DTNBP1: variants seen among roughly 807,000 people sequenced by gnomAD.
DTNBP1 encodes dystrobrevin binding protein 1, also known as dysbindin.
In DTNBP1, 35 loss-of-function variants were observed where a neutral mutation model predicts 42.8. The ratio of observed to expected loss-of-function variants is 0.82; its 90% CI spans 0.63 to 1.09. DTNBP1 has a LOEUF of 1.09. DTNBP1 is among the 50% of genes least tolerant of loss of function. The pLI, the probability that DTNBP1 is intolerant of heterozygous loss-of-function variation, is 0.00. For missense variants in DTNBP1, 457 were observed against 424.2 expected (o/e 1.08, Z -0.68); for synonymous variants, 171 against 162.2 (o/e 1.05, Z -0.41).
intron 7 of DTNBP1, among the ~76,000 whole-genome samples, chr6:15,559,491 T>A (rs1399171131): frequency 6.6e-6 from 1 of 152,196 alleles, no homozygotes; most frequent in Non-Finnish European, 1.5e-5. Flanking sequence ...TGACAACCAG[T>A]TCATTGGCTA....
rs1378381432 is a variant in DTNBP1 at position 15,524,100 on chromosome 6, C to T, written c.811+426G>A. On this transcript the variant is annotated intron_variant, in intron 9 of 9. Coordinates refer to ENST00000344537, the MANE Select transcript of DTNBP1 (RefSeq NM_032122.5). ...TACAACACAGGCCAAGAGCTGAACACACACCATGGCTTTGCCCATGGCAGG... is the reference window on the plus strand; with the variant it reads ...TACAACACAGGCCAAGAGCTGAACATACACCATGGCTTTGCCCATGGCAGG... 7 of 1,336,490 alleles carry T rather than the reference C, an allele frequency of 5.2e-6. No individual in the cohort carries two copies. In the East Asian group the frequency reaches 3.2e-4, roughly 61 times the overall value. The allele number at this position is 1,336,490 out of a possible 1,614,324, so 82.8% of individuals were successfully genotyped here. A position where few individuals can be genotyped will look rare whatever the true frequency, so the allele number is the denominator to read the frequency against.
chr6:15,601,331 T>C (rs1384942468), intron 6 of DTNBP1, among the ~76,000 whole-genome samples: 1 of 152,238 alleles, frequency 6.6e-6, no homozygotes, highest in Non-Finnish European at 1.5e-5. Flanking sequence ...CCATTCATTT[T>C]AATTAAGAAA....
intron 1 of DTNBP1, among the ~76,000 whole-genome samples, chr6:15,662,217 C>T (rs1216984187): frequency 2.0e-5 from 3 of 152,378 alleles, no homozygotes; most frequent in South Asian, 2.1e-4. Context: ...GTTCCTTCGC[C>T]GAGGCGCTGA....
chr6:15,620,248 A>G (rs1346486063), intron 5 of DTNBP1, among the ~76,000 whole-genome samples: 2 of 152,248 alleles, frequency 1.3e-5, no homozygotes, highest in Non-Finnish European at 2.9e-5. Context: ...AACAATTTGT[A>G]AAATCTAAAT....
At chr6:15,542,377 T>G (rs1773618255) in intron 7 of DTNBP1, among the ~76,000 whole-genome samples, 1 of 152,128 alleles carries the variant, frequency 6.6e-6, no homozygotes. Context: ...TTGTTTTTTG[T>G]TTTTTGTTTT....
At chr6:15,549,257 C>CA (rs1359661193) in intron 7 of DTNBP1, among the ~76,000 whole-genome samples, 2 of 152,098 alleles carry the variant, frequency 1.3e-5, no homozygotes, top group Non-Finnish European at 2.9e-5. Context: ...GAGGCCGAGG[C>CA]AGGCAGATCA....
At chr6:15,531,780 C>T (rs1772846153) in intron 8 of DTNBP1, among the ~76,000 whole-genome samples, 1 of 152,154 alleles carries the variant, frequency 6.6e-6, no homozygotes, top group African/African-American at 2.4e-5. Context: ...ACTACAGGCA[C>T]ATGTCACCAC....
chr6:15,600,352 T>C (rs1776681110), intron 6 of DTNBP1, among the ~76,000 whole-genome samples: 2 of 152,314 alleles, frequency 1.3e-5, no homozygotes, highest in Admixed American at 1.3e-4. Flanking sequence ...TTCTTATTGG[T>C]AGAGAAGAGA....
chr6:15,661,763 A>C (rs1028633404), intron 1 of DTNBP1, among the ~76,000 whole-genome samples: 2 of 152,264 alleles, frequency 1.3e-5, no homozygotes, highest in Non-Finnish European at 1.5e-5. Flanking sequence ...TTTCAAAGAC[A>C]GATCTTTTTC....
At chr6:15,593,544 G>A (rs56193326) in intron 6 of DTNBP1, among the ~76,000 whole-genome samples, 14,474 of 152,186 alleles carry the variant, frequency 0.095, 756 homozygotes, top group Non-Finnish European at 0.11. Flanking sequence ...CAGCAAAAGA[G>A]AAAAGGGGGA....
intron 5 of DTNBP1, among the ~76,000 whole-genome samples, chr6:15,620,379 C>A (rs958536705): frequency 1.3e-5 from 2 of 151,988 alleles, no homozygotes; most frequent in African/African-American, 4.8e-5. Context: ...TTTGTAGAGA[C>A]GAGACCTCAC....
chr6:15,650,488 G>C (rs912419732), intron 3 of DTNBP1, among the ~76,000 whole-genome samples: 2 of 151,954 alleles, frequency 1.3e-5, no homozygotes, highest in African/African-American at 2.4e-5. Flanking sequence ...CACCAAGTTG[G>C]CCAGGCTGGT....
chr6:15,627,254 T>G (rs1759400057), intron 5 of DTNBP1, 89 bp downstream of exon 5: 21 of 1,520,534 alleles, frequency 1.4e-5, no homozygotes, highest in Non-Finnish European at 1.8e-5. Flanking sequence ...GAATTTCATG[T>G]GTTCCTGAAA....
chr6:15,620,293 T>C (rs1758967280), intron 5 of DTNBP1, among the ~76,000 whole-genome samples: 1 of 152,194 alleles, frequency 6.6e-6, no homozygotes, highest in Non-Finnish European at 1.5e-5. Context: ...TTTTAAAGAA[T>C]GTCATAAATG....
At chr6:15,566,852 C>T (rs149170678) in intron 7 of DTNBP1, among the ~76,000 whole-genome samples, 3 of 152,130 alleles carry the variant, frequency 2.0e-5, no homozygotes, top group African/African-American at 4.8e-5. Flanking sequence ...AGGCACCCAC[C>T]ATCCTGCCTG....
At chr6:15,542,047 G>A (rs1757242387) in intron 7 of DTNBP1, among the ~76,000 whole-genome samples, 2 of 152,140 alleles carry the variant, frequency 1.3e-5, no homozygotes, top group Admixed American at 6.5e-5. Flanking sequence ...CTCTATTAAA[G>A]ATTAAGAGCA....
chr6:15,529,655 CTGACATCTA>C (rs996511782), intron 8 of DTNBP1, among the ~76,000 whole-genome samples: 2 of 152,238 alleles, frequency 1.3e-5, no homozygotes, highest in African/African-American at 4.8e-5. Context: ...ACACAAGAGC[CTGACATCTA>C]TGGGAACACA....
intron 3 of DTNBP1, among the ~76,000 whole-genome samples, chr6:15,645,986 T>C (rs1036943591): frequency 6.6e-6 from 1 of 151,682 alleles, no homozygotes; most frequent in Non-Finnish European, 1.5e-5. Flanking sequence ...TAGGAAAAGA[T>C]GAAGACAAAT....
intron 5 of DTNBP1, among the ~76,000 whole-genome samples, chr6:15,618,041 G>A (rs140002968): frequency 1.2e-3 from 178 of 152,130 alleles, no homozygotes; most frequent in African/African-American, 4.0e-3. Flanking sequence ...GCCATATGGT[G>A]TTCTATTTTC....
Sources: allele counts gnomAD v4.1 joint callset (sites outside exome capture counted in the v4.1 genomes callset), GRCh38; gene constraint gnomAD v4.1.1; transcripts MANE v1.5; gene names NCBI Gene and HGNC (gene_info 2026-07-23, HGNC 2026-07-21).